BCAT1: variants seen among roughly 807,000 people sequenced by gnomAD.
The protein encoded by BCAT1 is branched-chain-amino-acid aminotransferase, cytosolic.
BCAT1 carries 48 observed loss-of-function variants against 52.4 expected under a neutral mutation model. The observed-to-expected ratio is 0.92, with a 90% CI of 0.73 to 1.16. BCAT1 has a LOEUF of 1.16. BCAT1 is among the 50% of genes most tolerant of loss of function. The probability of loss-of-function intolerance (pLI) is 0.00; values close to 1 mark genes in which losing one functional copy is unlikely to be tolerated. For synonymous variants in BCAT1, 167 were observed against 161.3 expected (o/e 1.04, Z -0.27); for missense variants, 451 against 457.1 (o/e 0.99, Z 0.12).
intron 5 of BCAT1, among the ~76,000 whole-genome samples, chr12:24,852,213 G>A (rs765737832): frequency 1.3e-5 from 2 of 152,160 alleles, no homozygotes; most frequent in African/African-American, 2.4e-5. Flanking sequence ...GCAGAACTGT[G>A]AGTCAATTAA....
chr12:24,818,852 G>A (rs1021929481), intron 10 of BCAT1, among the ~76,000 whole-genome samples: 1 of 152,084 alleles, frequency 6.6e-6, no homozygotes, highest in Admixed American at 6.6e-5. Flanking sequence ...CAAATAGAAA[G>A]CTAGTTCTAT....
At chr12:24,931,150 C>A (rs907630941) in intron 1 of BCAT1, among the ~76,000 whole-genome samples, 10 of 152,164 alleles carry the variant, frequency 6.6e-5, no homozygotes, top group Admixed American at 2.0e-4. Flanking sequence ...GTGATCCACT[C>A]CCCGCTCAGC....
At chr12:24,832,557 G>A (rs1940713179) in intron 9 of BCAT1, among the ~76,000 whole-genome samples, 166 bp downstream of exon 9, 3 of 151,980 alleles carry the variant, frequency 2.0e-5, no homozygotes, top group Non-Finnish European at 4.4e-5. Flanking sequence ...CTCCAGCCTG[G>A]GCAACACAGC....
intron 1 of BCAT1, chr12:24,903,079 G>T: frequency 7.2e-7 from 1 of 1,386,264 alleles, no homozygotes; most frequent in South Asian, 1.6e-5. Flanking sequence ...GCCAAGCCCC[G>T]GCGCACGGCC....
intron 1 of BCAT1, among the ~76,000 whole-genome samples, chr12:24,937,182 G>T (rs538957984): frequency 2.0e-5 from 3 of 152,316 alleles, no homozygotes; most frequent in African/African-American, 4.8e-5. Context: ...TGAAAGCCTG[G>T]GAAACATGGG....
chr12:24,887,547 G>A (rs1942717486), intron 3 of BCAT1, among the ~76,000 whole-genome samples: 1 of 152,186 alleles, frequency 6.6e-6, no homozygotes, highest in African/African-American at 2.4e-5. Flanking sequence ...TATCACAAAA[G>A]TAAGAATAAT....
chr12:24,916,685 C>T (rs1456407888), intron 1 of BCAT1, among the ~76,000 whole-genome samples: 3 of 152,116 alleles, frequency 2.0e-5, no homozygotes, highest in African/African-American at 7.2e-5. Context: ...GGATTACAGG[C>T]GCCTGCCACC....
rs1943975459 is a variant in BCAT1, at chr12:24,948,780, A to T, written c.6+147T>A. On this transcript the variant is annotated intron_variant, in intron 1 of 10. Coordinates refer to ENST00000261192, the MANE Select transcript of BCAT1 (RefSeq NM_005504.7). ...CGGTCCCCGCAAACTACGATTGATA[A>T]AGAAGATACTGAGACGTTTGCGGGG... 8.1e-6 allele frequency: 7 copies of T among 867,464 alleles called. No individual in the cohort carries two copies. The South Asian group carries it at 1.2e-4, about 15-fold the overall frequency. The allele number at this position is 867,464 out of a possible 1,614,324, so 53.7% of individuals were successfully genotyped here.
chr12:24,887,080 A>AAATATATATATATAT (rs1245203518), intron 3 of BCAT1, among the ~76,000 whole-genome samples: 11 of 40,738 alleles, frequency 2.7e-4, no homozygotes, highest in Non-Finnish European at 5.2e-4. Flanking sequence ...AAAAAAAAAA[A>AAATATATATATATAT]ATATATATAT....
Position 24,884,720 on chromosome 12 carries a change from T to C in BCAT1, c.280-3309A>G, listed in dbSNP as rs549097769. On this transcript the variant is annotated intron_variant, in intron 3 of 10. Transcript: ENST00000261192. ...CATTCAGTATTATAGATATAAGATA[T>C]ACAAAAGGCTAATACAACATGACTA... Among the ~76,000 whole-genome samples, 5 of 152,232 alleles carry C rather than the reference T, an allele frequency of 3.3e-5. No individual in the cohort carries two copies. The South Asian group carries it at 6.2e-4, about 19-fold the overall frequency.
chr12:24,839,323 G>A (rs569714317), intron 7 of BCAT1, among the ~76,000 whole-genome samples: 5 of 152,160 alleles, frequency 3.3e-5, no homozygotes, highest in South Asian at 2.1e-4. Flanking sequence ...GCTCCAAGTC[G>A]AGTCCGTATA....
intron 1 of BCAT1, among the ~76,000 whole-genome samples, chr12:24,917,257 C>T (rs943452372): frequency 7.0e-6 from 1 of 143,656 alleles, no homozygotes; most frequent in Non-Finnish European, 1.5e-5. Flanking sequence ...CGGCTCACTG[C>T]AAGCTCCGTC....
chr12:24,925,575 TC>T (rs1943565658), intron 1 of BCAT1, among the ~76,000 whole-genome samples: 1 of 148,622 alleles, frequency 6.7e-6, no homozygotes, highest in Non-Finnish European at 1.5e-5. Flanking sequence ...CAGCTCCCCC[TC>T]CCCCTCTCCC....
chr12:24,915,574 C>G (rs1374441436), intron 1 of BCAT1, among the ~76,000 whole-genome samples: 2 of 152,012 alleles, frequency 1.3e-5, no homozygotes, highest in African/African-American at 4.8e-5. Context: ...ACACTTTTTG[C>G]TCTACCGTGA....
chr12:24,837,313 T>C (rs1208182862), intron 7 of BCAT1, among the ~76,000 whole-genome samples: 1 of 152,030 alleles, frequency 6.6e-6, no homozygotes, highest in East Asian at 1.9e-4. Flanking sequence ...GTAGATAGGG[T>C]CTTACTCAGA....
intron 5 of BCAT1, among the ~76,000 whole-genome samples, chr12:24,870,082 T>C (rs189415991): frequency 6.3e-4 from 96 of 151,918 alleles, no homozygotes; most frequent in Non-Finnish European, 1.0e-4. Flanking sequence ...AGGAGATGAA[T>C]TGTAGAACCC....
chr12:24,906,755 CAT>C (rs572687579), intron 1 of BCAT1, among the ~76,000 whole-genome samples: 31 of 152,274 alleles, frequency 2.0e-4, no homozygotes, highest in Middle Eastern at 3.4e-3. Context: ...CTAGTAGAAA[CAT>C]AGCAGTTGTC....
At chr12:24,831,846 A>T (rs1020393504) in intron 9 of BCAT1, among the ~76,000 whole-genome samples, 2 of 152,258 alleles carry the variant, frequency 1.3e-5, no homozygotes, top group South Asian at 4.1e-4. Flanking sequence ...GAGCTTTGTT[A>T]TAAAGTGAAA....
intron 1 of BCAT1, among the ~76,000 whole-genome samples, chr12:24,923,407 G>A (rs531920097): frequency 6.6e-6 from 1 of 152,256 alleles, no homozygotes. Context: ...GCATTCAAGT[G>A]TGTGTATATA....
Sources: gnomAD v4.1 joint callset for allele counts (sites outside exome capture counted in the v4.1 genomes callset) on GRCh38, gnomAD v4.1.1 for gene constraint, MANE v1.5 for transcripts, NCBI Gene and HGNC (gene_info 2026-07-23, HGNC 2026-07-21) for gene names.